FHIP2B: variants seen among roughly 807,000 people sequenced by gnomAD.
FHIP2B encodes the protein FHF complex subunit HOOK-interacting protein 2B.
In FHIP2B, 72 loss-of-function variants were observed where a neutral mutation model predicts 84.0. The observed-to-expected ratio is 0.86, with a 90% CI of 0.71 to 1.04. The LOEUF (loss-of-function observed/expected upper bound fraction) is 1.04. FHIP2B is among the 50% of genes least tolerant of loss of function. FHIP2B has a pLI of 0.00. For missense variants in FHIP2B, 972 were observed against 968.9 expected (o/e 1.00, Z -0.04); for synonymous variants, 497 against 418.7 (o/e 1.19, Z -2.28).
chr8:22,101,272 C>G (rs564148130), intron 12 of FHIP2B, 168 bp from the exon 13 acceptor site: 16 of 657,802 alleles, frequency 2.4e-5, no homozygotes, highest in Admixed American at 2.0e-4. Flanking sequence ...ATCCGCCCAC[C>G]TCAGCCTCCC....
In FHIP2B at chr8:22,101,358, G is replaced by C; in HGVS notation, c.1617-82G>C. The stretch of plus-strand genomic sequence containing the variant: ...TCTTTGGCCACAGCCCTGGGGTCCA[G>C]TCAGGGAGGGAGATGGGGTCCCACA... On this transcript the variant is annotated intron_variant, in intron 12 of 16. Transcript: ENST00000289921. 3 of 1,189,942 alleles carry C rather than the reference G, an allele frequency of 2.5e-6. No individual in the cohort carries two copies. The South Asian group carries it at 4.0e-5, about 16-fold the overall frequency. 73.7% of individuals were successfully genotyped at this position (1,189,942 alleles called of 1,614,324 possible).
chr8:22,094,582 G>C (rs776996124), intron 2 of FHIP2B, 64 bp downstream of exon 2: 1 of 1,600,374 alleles, frequency 6.2e-7, no homozygotes, highest in South Asian at 1.1e-5. Flanking sequence ...AGTGTGCAGA[G>C]TGTCACCATT....
intron 15 of FHIP2B, 60 bp from the exon 16 acceptor site, chr8:22,102,468 G>C: frequency 3.3e-6 from 5 of 1,536,526 alleles, no homozygotes; most frequent in Non-Finnish European, 4.4e-6. Context: ...GGTGTGGCAG[G>C]GCCAGGGGAC....
At position 22,102,481 on chromosome 8, in the gene FHIP2B, ACTGGTG is replaced by A. The variant is rs764694102; in HGVS notation, c.1993-46_1993-41del. ...ATGGTGTGGCAGGGCCAGGGGACTC[ACTGGTG>A]TTGCTGGCCCCATCTGAGTCCCCTG... On this transcript the variant is annotated intron_variant, in intron 15 of 16. Transcript: ENST00000289921. The A allele has an allele frequency of 4.2e-5, 64 of 1,541,350 alleles. No homozygotes were observed. The African/African-American group carries it at 7.5e-4, about 18-fold the overall frequency.
At chr8:22,089,936 G>A in intron 1 of FHIP2B, 1 of 985,046 alleles carries the variant, frequency 1.0e-6, no homozygotes, top group African/African-American at 1.7e-5. Flanking sequence ...GCGTGGCTGT[G>A]ACCCCTCACA....
intron 1 of FHIP2B, chr8:22,089,817 G>T (rs1427025087): frequency 7.8e-7 from 1 of 1,286,456 alleles, no homozygotes. Flanking sequence ...CCGGGACGTG[G>T]GAAGTGCAGG....
At chr8:22,101,399 G>C (rs767554219) in intron 12 of FHIP2B, 41 bp from the exon 13 acceptor site, 1 of 1,495,634 alleles carries the variant, frequency 6.7e-7, no homozygotes, top group East Asian at 2.4e-5. Flanking sequence ...GGGAGAGCAG[G>C]GTGAGCCGGG....
chr8:22,101,000 CA>C (rs1176006841), intron 12 of FHIP2B, 28 bp downstream of exon 12: 10 of 1,603,666 alleles, frequency 6.2e-6, no homozygotes, highest in Middle Eastern at 3.3e-4. Flanking sequence ...CAGTCTGAAC[CA>C]CTTGAGTTTT....
intron 3 of FHIP2B, chr8:22,097,187 G>A (rs1031383568): frequency 1.3e-5 from 5 of 396,502 alleles, no homozygotes; most frequent in Admixed American, 3.8e-5. Flanking sequence ...TTCGAACAAC[G>A]TGGCAAGGGA....
intron 3 of FHIP2B, 49 bp downstream of exon 3, chr8:22,096,558 C>T (rs369734303): frequency 4.4e-5 from 64 of 1,440,602 alleles, no homozygotes; most frequent in African/African-American, 1.7e-4. Context: ...GAGGCCTCTG[C>T]GCGCTTGGCC....
At chr8:22,092,167 G>C (rs1298521013) in intron 1 of FHIP2B, among the ~76,000 whole-genome samples, 1 of 152,232 alleles carries the variant, frequency 6.6e-6, no homozygotes, top group Non-Finnish European at 1.5e-5. Flanking sequence ...GGAGTTTCCA[G>C]TTCTGTGAAT....
At chr8:22,101,594 G>C in intron 13 of FHIP2B, 64 bp downstream of exon 13, 2 of 1,566,868 alleles carry the variant, frequency 1.3e-6, no homozygotes, top group Non-Finnish European at 1.7e-6. Context: ...CATAAGCTCT[G>C]GGTTCCGCCT....
chr8:22,093,533 G>C (rs1219234616), intron 1 of FHIP2B, among the ~76,000 whole-genome samples: 1 of 152,050 alleles, frequency 6.6e-6, no homozygotes, highest in African/African-American at 2.4e-5. Flanking sequence ...TGAGGAGTTG[G>C]GGTTGTGCAG....
At chr8:22,091,395 C>T (rs1340315080) in intron 1 of FHIP2B, among the ~76,000 whole-genome samples, 1 of 152,074 alleles carries the variant, frequency 6.6e-6, no homozygotes, top group Non-Finnish European at 1.5e-5. Context: ...AGGGCTGCGC[C>T]ACCACGCCCA....
intron 12 of FHIP2B, 151 bp downstream of exon 12, chr8:22,101,123 A>G: frequency 9.8e-7 from 1 of 1,021,748 alleles, no homozygotes; most frequent in Non-Finnish European, 1.4e-6. Flanking sequence ...TCCGGATCCA[A>G]GCGATTCCTG....
chr8:22,097,806 G>A lies in FHIP2B; in HGVS notation c.492G>A (p.Gln164=). The A allele has an allele frequency of 6.2e-7, 1 of 1,613,540 alleles. No homozygotes were observed. The highest frequency in any genetic ancestry group is 8.5e-7 in the Non-Finnish European group (1 of 1,179,840). The change falls in exon 5 of 17, where the codon CAG becomes CAA. Residue 164 remains glutamine, a synonymous_variant. Transcript: ENST00000289921. The part of the protein sequence containing the change: ...QFTTVLCSKI[Q]QDPELLAYIL... ...CCACCGTCCTCTGCTCCAAGATCCA[G>A]CAGGACCCAGAGCTGCTCGCCTACA...
chr8:22,103,051 G>A lies in FHIP2B; in HGVS notation c.*120G>A. 2 of 1,296,534 alleles carry A rather than the reference G, an allele frequency of 1.5e-6. No homozygotes were observed. Among genetic ancestry groups the A allele is most frequent in the East Asian group, 2.5e-5 (1 of 39,488 alleles). The allele number at this position is 1,296,534 out of a possible 1,614,324, so 80.3% of individuals were successfully genotyped here. Reference sequence around the variant, plus strand: ...GGCTTCTGCTCCCGGGCTCACTCAAGGAGACTGCGGCATGTTGACCACACC... The same window carrying A: ...GGCTTCTGCTCCCGGGCTCACTCAAAGAGACTGCGGCATGTTGACCACACC... On this transcript the variant is annotated 3_prime_UTR_variant, in exon 17 of 17. Coordinates refer to ENST00000289921, the MANE Select transcript of FHIP2B (RefSeq NM_022749.7).
Position 22,097,972 on chromosome 8 carries a change from G to A in FHIP2B, c.526-96G>A, listed in dbSNP as rs569323236. On this transcript the variant is annotated intron_variant, in intron 5 of 16. Coordinates refer to ENST00000289921, the MANE Select transcript of FHIP2B (RefSeq NM_022749.7). ...GCAGGCAGCTTCCCCTCCAGCTCCA[G>A]GCCGACGCCCTGCTGGCAGCCCACC... The A allele has an allele frequency of 2.3e-5, 36 of 1,532,344 alleles. No individual in the cohort carries two copies. In the East Asian group the frequency reaches 5.8e-4, roughly 25 times the overall value. 94.9% of individuals were successfully genotyped at this position (1,532,344 alleles called of 1,614,324 possible).
intron 1 of FHIP2B, among the ~76,000 whole-genome samples, chr8:22,093,708 CTTTTTTTTTTT>C (rs59841460): frequency 4.5e-5 from 3 of 66,456 alleles, no homozygotes; most frequent in South Asian, 7.1e-4. Context: ...AAAGCTTTGT[CTTTTTTTTTTT>C]TTTTTTTTTT....
Sources: gnomAD v4.1 joint callset for allele counts (sites outside exome capture counted in the v4.1 genomes callset) on GRCh38, gnomAD v4.1.1 for gene constraint, MANE v1.5 for transcripts, NCBI Gene and HGNC (gene_info 2026-07-23, HGNC 2026-07-21) for gene names.